Variants in EPB41L4A observed in about 807,000 individuals in gnomAD.
The protein encoded by EPB41L4A is band 4.1-like protein 4A.
In EPB41L4A, 100 loss-of-function variants were observed where a neutral mutation model predicts 108.6. The ratio of observed to expected loss-of-function variants is 0.92; its 90% CI spans 0.78 to 1.09. EPB41L4A has a LOEUF of 1.09. Among genes scored for constraint, EPB41L4A ranks in the 50% least tolerant of loss-of-function variants. The pLI, the probability that EPB41L4A is intolerant of heterozygous loss-of-function variation, is 0.00. For missense variants in EPB41L4A, 1,030 were observed against 842.7 expected, an observed-to-expected ratio of 1.22 and a Z score of -2.75; for synonymous variants, 319 against 289.0, an observed-to-expected ratio of 1.10 and a Z score of -1.05.
intron 12 of EPB41L4A, among the ~76,000 whole-genome samples, chr5:112,220,680 G>T (rs749222109): frequency 6.6e-6 from 1 of 152,110 alleles, no homozygotes; most frequent in Non-Finnish European, 1.5e-5. Context: ...TAACACCTTG[G>T]CATTTGAGAA....
At chr5:112,314,903 A>G (rs1009704013) in intron 1 of EPB41L4A, among the ~76,000 whole-genome samples, 3 of 152,226 alleles carry the variant, frequency 2.0e-5, no homozygotes, top group Admixed American at 6.5e-5. Context: ...ATGCCACAAA[A>G]TAAGGTACAA....
chr5:112,382,453 G>A (rs146446744), intron 1 of EPB41L4A, among the ~76,000 whole-genome samples: 1 of 152,298 alleles, frequency 6.6e-6, no homozygotes, highest in African/African-American at 2.4e-5. Context: ...CCTTGGGAAT[G>A]GCCAATGGTA....
rs373270497 is a variant in EPB41L4A, at chr5:112,273,042, T to A, written c.335+2284A>T. 4.0e-3 allele frequency among the ~76,000 whole-genome samples: 608 copies of A among 152,290 alleles called. 6 individuals carry two copies. Among genetic ancestry groups the A allele is most frequent in the African/African-American group, 0.014 (593 of 41,566 alleles). ...TATGCTCTTCCTTAAATAGCATATATCTGGAGATTTTGCTTGTTGGTTTCA... is the reference window on the plus strand; with the variant it reads ...TATGCTCTTCCTTAAATAGCATATAACTGGAGATTTTGCTTGTTGGTTTCA... On this transcript the variant is annotated intron_variant, in intron 4 of 22. Coordinates refer to ENST00000261486, the MANE Select transcript of EPB41L4A (RefSeq NM_022140.5).
intron 12 of EPB41L4A, among the ~76,000 whole-genome samples, chr5:112,224,076 T>G (rs144973897): frequency 0.011 from 1,654 of 152,248 alleles, 32 homozygotes; most frequent in African/African-American, 0.038. Context: ...CTCAGCCTCC[T>G]GAGTAGCTGG....
At chr5:112,195,514 G>C in intron 16 of EPB41L4A, 147 bp downstream of exon 16, 2 of 685,728 alleles carry the variant, frequency 2.9e-6, no homozygotes, top group South Asian at 3.4e-5. Context: ...CAGAATGGAA[G>C]ACTGGGAATC....
intron 18 of EPB41L4A, chr5:112,175,458 T>C (rs1227601616): frequency 1.3e-5 from 2 of 152,236 alleles, no homozygotes; most frequent in Admixed American, 6.5e-5. Context: ...TCTACTCTTA[T>C]GTCTCTGGTA....
chr5:112,222,055 T>C (rs1035220170), intron 12 of EPB41L4A, among the ~76,000 whole-genome samples: 27 of 152,212 alleles, frequency 1.8e-4, no homozygotes, highest in Non-Finnish European at 3.4e-4. Context: ...TAACAGTTAC[T>C]GCCTTTCCCC....
intron 1 of EPB41L4A, among the ~76,000 whole-genome samples, chr5:112,309,342 C>G (rs4958036): frequency 0.36 from 54,384 of 151,994 alleles, 10,415 homozygotes; most frequent in East Asian, 0.61. Flanking sequence ...ATCTTTGCTA[C>G]TTCTTAAACA....
intron 1 of EPB41L4A, among the ~76,000 whole-genome samples, chr5:112,410,125 A>T (rs1181263944): frequency 6.6e-6 from 1 of 152,154 alleles, no homozygotes; most frequent in Non-Finnish European, 1.5e-5. Flanking sequence ...ACATCACTCA[A>T]ACAAAAGGAG....
At chr5:112,194,303 G>C (rs1761852085) in intron 17 of EPB41L4A, among the ~76,000 whole-genome samples, 14 of 151,732 alleles carry the variant, frequency 9.2e-5, no homozygotes, top group Admixed American at 9.2e-4. Flanking sequence ...ACACATTGTA[G>C]CTATATACAG....
chr5:112,279,186 A>T (rs1224004646), intron 3 of EPB41L4A, among the ~76,000 whole-genome samples: 4 of 151,838 alleles, frequency 2.6e-5, no homozygotes, highest in African/African-American at 9.7e-5. Context: ...TCCACTACAG[A>T]GGTGGAAAGG....
chr5:112,286,293 G>A (rs182656783), intron 2 of EPB41L4A, among the ~76,000 whole-genome samples: 2 of 151,864 alleles, frequency 1.3e-5, no homozygotes, highest in African/African-American at 2.4e-5. Flanking sequence ...CCAATTCCCC[G>A]CATTCTCCAT....
intron 9 of EPB41L4A, chr5:112,249,530 CATG>C (rs1437278122): frequency 1.3e-5 from 2 of 152,140 alleles, no homozygotes; most frequent in African/African-American, 4.8e-5. Flanking sequence ...TGTTAGTACA[CATG>C]ATATCCTGGG....
chr5:112,385,901 T>G (rs1230316380), intron 1 of EPB41L4A, among the ~76,000 whole-genome samples: 1 of 152,264 alleles, frequency 6.6e-6, no homozygotes, highest in South Asian at 2.1e-4. Flanking sequence ...ACTGAATTAC[T>G]TGAAACTAGG....
intron 2 of EPB41L4A, among the ~76,000 whole-genome samples, chr5:112,282,852 T>C (rs1351911916): frequency 1.3e-5 from 2 of 152,232 alleles, no homozygotes; most frequent in Non-Finnish European, 2.9e-5. Flanking sequence ...CCTCCTATCA[T>C]CATCATCATC....
At chr5:112,331,399 G>A (rs1756558501) in intron 1 of EPB41L4A, among the ~76,000 whole-genome samples, 1 of 152,180 alleles carries the variant, frequency 6.6e-6, no homozygotes, top group African/African-American at 2.4e-5. Flanking sequence ...CCCCAAACTG[G>A]AGGTCAAAAT....
At chr5:112,176,147 T>C (rs1420019195) in intron 18 of EPB41L4A, among the ~76,000 whole-genome samples, 1 of 152,162 alleles carries the variant, frequency 6.6e-6, no homozygotes, top group African/African-American at 2.4e-5. Flanking sequence ...AGGCACAACC[T>C]CACTTAATGC....
intron 1 of EPB41L4A, among the ~76,000 whole-genome samples, chr5:112,404,317 G>C (rs1039994328): frequency 6.6e-6 from 1 of 152,224 alleles, no homozygotes; most frequent in African/African-American, 2.4e-5. Context: ...AATCTGTGAT[G>C]CAGATAGTGT....
At chr5:112,315,846 G>C (rs1162211084) in intron 1 of EPB41L4A, among the ~76,000 whole-genome samples, 1 of 151,948 alleles carries the variant, frequency 6.6e-6, no homozygotes, top group African/African-American at 2.4e-5. Context: ...CTTGATATGA[G>C]ACAGTTAAGA....
Sources: gnomAD v4.1 joint callset for allele counts (sites outside exome capture counted in the v4.1 genomes callset) on GRCh38, gnomAD v4.1.1 for gene constraint, MANE v1.5 for transcripts, NCBI Gene and HGNC (gene_info 2026-07-23, HGNC 2026-07-21) for gene names.